ADCY2: variants seen among roughly 807,000 people sequenced by gnomAD.
ADCY2 encodes the protein adenylate cyclase type 2.
Under a neutral mutation model 125.2 loss-of-function variants are expected in ADCY2, and 31 were observed. The ratio of observed to expected loss-of-function variants is 0.25; its 90% CI spans 0.19 to 0.33. The LOEUF is 0.33. ADCY2 is among the 10% of genes least tolerant of loss of function. The probability of loss-of-function intolerance (pLI) is 1.00; values close to 1 mark genes in which losing one functional copy is unlikely to be tolerated. For missense variants in ADCY2, 904 were observed against 1,418.2 expected, an observed-to-expected ratio of 0.64 and a Z score of 5.82; for synonymous variants, 512 against 548.4, an observed-to-expected ratio of 0.93 and a Z score of 0.93.
At chr5:7,500,200 T>C (rs1009911522) in intron 2 of ADCY2, among the ~76,000 whole-genome samples, 12 of 152,190 alleles carry the variant, frequency 7.9e-5, no homozygotes, top group African/African-American at 2.9e-4. Context: ...TTGAACACCA[T>C]TGGGTTATAA....
chr5:7,649,263 A>G (rs965350589), intron 4 of ADCY2, among the ~76,000 whole-genome samples: 1 of 152,202 alleles, frequency 6.6e-6, no homozygotes, highest in African/African-American at 2.4e-5. Context: ...CTGATTTGCC[A>G]TAAGATTAAG....
At chr5:7,735,398 T>G (rs1742219217) in intron 14 of ADCY2, among the ~76,000 whole-genome samples, 1 of 152,242 alleles carries the variant, frequency 6.6e-6, no homozygotes, top group African/African-American at 2.4e-5. Flanking sequence ...ACATCCTTTC[T>G]TATTCAATCT....
intron 3 of ADCY2, among the ~76,000 whole-genome samples, chr5:7,616,827 G>A (rs1325311201): frequency 1.3e-5 from 2 of 152,148 alleles, no homozygotes; most frequent in South Asian, 2.1e-4. Context: ...CCTTTGAAGA[G>A]GTGGCTAAGG....
At chr5:7,767,491 T>C (rs959027425) in intron 17 of ADCY2, among the ~76,000 whole-genome samples, 21 of 152,322 alleles carry the variant, frequency 1.4e-4, no homozygotes, top group African/African-American at 4.6e-4. Flanking sequence ...GCTCGTTTAG[T>C]TTCCGTGTCA....
chr5:7,576,737 A>G (rs1326199284), intron 3 of ADCY2, among the ~76,000 whole-genome samples: 1 of 152,202 alleles, frequency 6.6e-6, no homozygotes, highest in Non-Finnish European at 1.5e-5. Flanking sequence ...CAGCTTGTAA[A>G]TGAAGATGGA....
rs181379666 is a variant in ADCY2, at chr5:7,477,816, G to A, written c.409-42922G>A. Among the ~76,000 whole-genome samples, 26 of 152,244 alleles carry A rather than the reference G, an allele frequency of 1.7e-4. No individual in the cohort carries two copies. In the East Asian group the frequency reaches 3.5e-3, roughly 20 times the overall value. On this transcript the variant is annotated intron_variant, in intron 2 of 24. Transcript: ENST00000338316. ...GGGAATTGAACCTGTCATCGTCGCC[G>A]TATCACTGCTCTACTCTTAACATCT...
chr5:7,571,147 A>G (rs1736054414), intron 3 of ADCY2, among the ~76,000 whole-genome samples: 1 of 152,168 alleles, frequency 6.6e-6, no homozygotes. Context: ...CAGAAGCAGT[A>G]TATATTCTGG....
At chr5:7,473,562 A>G (rs1742417298) in intron 2 of ADCY2, among the ~76,000 whole-genome samples, 1 of 152,166 alleles carries the variant, frequency 6.6e-6, no homozygotes, top group Non-Finnish European at 1.5e-5. Flanking sequence ...GAGGGGACAA[A>G]TATCCAAATC....
At chr5:7,549,710 G>A (rs1735263852) in intron 3 of ADCY2, among the ~76,000 whole-genome samples, 2 of 152,110 alleles carry the variant, frequency 1.3e-5, no homozygotes, top group African/African-American at 2.4e-5. Context: ...AGGGCCCTAC[G>A]AAGTAGCCCG....
chr5:7,727,891 C>A (rs1741978874), intron 14 of ADCY2, among the ~76,000 whole-genome samples: 1 of 152,072 alleles, frequency 6.6e-6, no homozygotes, highest in Non-Finnish European at 1.5e-5. Flanking sequence ...GCTTTATGAT[C>A]CCTAGGTCAT....
At chr5:7,722,377 T>G (rs1579356404) in intron 12 of ADCY2, among the ~76,000 whole-genome samples, 1 of 152,198 alleles carries the variant, frequency 6.6e-6, no homozygotes, top group East Asian at 1.9e-4. Context: ...TCCAGGAGCA[T>G]TTATAAACTA....
intron 2 of ADCY2, among the ~76,000 whole-genome samples, chr5:7,505,003 G>A (rs527632791): frequency 1.3e-5 from 2 of 151,816 alleles, no homozygotes; most frequent in African/African-American, 4.8e-5. Context: ...CCAGCCTCCC[G>A]AGTAACTGGG....
intron 3 of ADCY2, among the ~76,000 whole-genome samples, chr5:7,553,221 G>T (rs910337206): frequency 6.6e-6 from 1 of 152,168 alleles, no homozygotes; most frequent in African/African-American, 2.4e-5. Context: ...GACTGTTCTG[G>T]TGCCTAAATA....
intron 4 of ADCY2, among the ~76,000 whole-genome samples, chr5:7,658,538 GCCTCC>G (rs1739421909): frequency 6.6e-6 from 1 of 151,834 alleles, no homozygotes; most frequent in Non-Finnish European, 1.5e-5. Flanking sequence ...TCCTGCCTCA[GCCTCC>G]CGAGTAGCTG....
At chr5:7,457,727 G>C (rs1741744242) in intron 2 of ADCY2, among the ~76,000 whole-genome samples, 2 of 152,136 alleles carry the variant, frequency 1.3e-5, no homozygotes, top group African/African-American at 4.8e-5. Context: ...CTGGCCCTCT[G>C]TTCTGTAGTC....
chr5:7,729,736 A>C (rs1033869501), intron 14 of ADCY2, among the ~76,000 whole-genome samples: 2 of 149,614 alleles, frequency 1.3e-5, no homozygotes, highest in African/African-American at 4.9e-5. Flanking sequence ...TTTTCATTAA[A>C]GATTACTATT....
chr5:7,792,051 G>A (rs188642760), intron 20 of ADCY2, among the ~76,000 whole-genome samples: 1 of 152,076 alleles, frequency 6.6e-6, no homozygotes, highest in Non-Finnish European at 1.5e-5. Flanking sequence ...GAGCCCACTG[G>A]AGCAGGCAGG....
At chr5:7,512,731 A>C (rs1744114225) in intron 2 of ADCY2, among the ~76,000 whole-genome samples, 1 of 152,206 alleles carries the variant, frequency 6.6e-6, no homozygotes. Context: ...CATGGGAATT[A>C]GGAGTTCGAC....
intron 20 of ADCY2, among the ~76,000 whole-genome samples, chr5:7,792,062 A>G (rs1230487386): frequency 6.6e-6 from 1 of 151,936 alleles, no homozygotes; most frequent in Non-Finnish European, 1.5e-5. Flanking sequence ...AGCAGGCAGG[A>G]AGAGAGCAAA....
Sources: gnomAD v4.1 joint callset for allele counts (sites outside exome capture counted in the v4.1 genomes callset) on GRCh38, gnomAD v4.1.1 for gene constraint, MANE v1.5 for transcripts, NCBI Gene and HGNC (gene_info 2026-07-23, HGNC 2026-07-21) for gene names.